ZDHHC19: variants seen among roughly 807,000 people sequenced by gnomAD.
ZDHHC19 encodes zDHHC palmitoyltransferase 19.
Under a neutral mutation model 33.9 loss-of-function variants are expected in ZDHHC19, and 30 were observed. The observed-to-expected ratio is 0.88, with a 90% CI of 0.66 to 1.20. ZDHHC19 has a LOEUF of 1.20. Ranked by LOEUF, ZDHHC19 falls within the 50% of genes most tolerant of loss-of-function variation. The pLI is 0.00. For synonymous variants in ZDHHC19, 178 were observed against 167.6 expected (o/e 1.06, Z -0.48); for missense variants, 364 against 401.1 (o/e 0.91, Z 0.79).
Position 196,198,382 on chromosome 3 carries a change from G to A in ZDHHC19, c.843C>T (p.His281=). ...GPDWTSMPNL[H]PPMSPSALNP... ...TGAGAGCAGAGGGGGACATTGGAGG[G>A]TGCAGATTCGGCATGGATGTCCAGT... Residue 281 remains histidine, a synonymous_variant, in exon 7 of 8, where the codon CAC becomes CAT. Coordinates refer to ENST00000296326, the MANE Select transcript of ZDHHC19 (RefSeq NM_001039617.2). 1 of 1,540,390 alleles carries A rather than the reference G, an allele frequency of 6.5e-7. No homozygotes were observed. The highest frequency in any genetic ancestry group is 1.3e-5 in the South Asian group (1 of 79,378).
chr3:196,210,939 C>T lies in ZDHHC19; in HGVS notation c.147-202G>A, dbSNP rs559074396. Among the ~76,000 whole-genome samples the T allele has an allele frequency of 3.1e-4, 47 of 151,958 alleles. No individual in the cohort carries two copies. The South Asian group carries it at 9.2e-3, about 30-fold the overall frequency. ...ACCCAAAGCTCCCAAAATGCACAGG[C>T]ACCCTTGACCTCTGCGCCTTTGCAC... On this transcript the variant is annotated intron_variant, in intron 1 of 7. Transcript: ENST00000296326.
intron 5 of ZDHHC19, among the ~76,000 whole-genome samples, chr3:196,201,984 G>A (rs1397446663): frequency 1.3e-5 from 2 of 152,040 alleles, no homozygotes; most frequent in Admixed American, 6.6e-5. Context: ...TCCTTTGTTG[G>A]TTGGTTCACT....
At chr3:196,199,931 C>A (rs1047193389) in intron 5 of ZDHHC19, among the ~76,000 whole-genome samples, 3 of 151,162 alleles carry the variant, frequency 2.0e-5, no homozygotes, top group African/African-American at 7.3e-5. Context: ...GGCGACAGAG[C>A]GACACTCTGG....
In ZDHHC19 at chr3:196,203,706, GA is replaced by G. The variant is rs1171091099; in HGVS notation, c.687+3691del. On this transcript the variant is annotated intron_variant, in intron 5 of 7. Coordinates refer to ENST00000296326, the MANE Select transcript of ZDHHC19 (RefSeq NM_001039617.2). This position sits in a 1 kb window ranked among gnomAD's most constrained non-coding sequence, Gnocchi z 4.3. ...GGAGGGAGGGCAGGAAGAACCACAG[GA>G]TGTGAGAAGGGCGAAGGCTGCCCAG... Among the ~76,000 whole-genome samples, 1 of 152,240 alleles carries G rather than the reference GA, an allele frequency of 6.6e-6. No individual in the cohort carries two copies. The highest frequency in any genetic ancestry group is 1.5e-5 in the Non-Finnish European group (1 of 68,040).
At chr3:196,209,308 A>T in intron 3 of ZDHHC19, 68 bp downstream of exon 3, 2 of 1,524,684 alleles carry the variant, frequency 1.3e-6, no homozygotes, top group Non-Finnish European at 1.8e-6. Context: ...TGGCCCCTGT[A>T]TGAGGGAGGC....
At position 196,208,500 on chromosome 3, in the gene ZDHHC19, A is replaced by C; in HGVS notation, c.469T>G (p.Phe157Val). 6.2e-7 allele frequency: 1 copy of C among 1,614,202 alleles called. No homozygotes were observed. Among genetic ancestry groups the C allele is most frequent in the Non-Finnish European group, 8.5e-7 (1 of 1,180,010 alleles). ...CACAGGGACAGGACAAGCAGCATGA[A>C]GAAGCGGAAGTTGCGGTGACCGATG... ...NCIGHRNFRF[F>V]MLLVLSLCLY... Residue 157 changes from phenylalanine (F) to valine (V), a missense_variant, in exon 4 of 8, where the codon TTC becomes GTC. Phe to Val is a conservative substitution (Grantham distance 50, BLOSUM62 -1). Coordinates refer to ENST00000296326, the MANE Select transcript of ZDHHC19 (RefSeq NM_001039617.2).
At chr3:196,199,152 A>G (rs1722040246) in intron 5 of ZDHHC19, among the ~76,000 whole-genome samples, 1 of 152,190 alleles carries the variant, frequency 6.6e-6, no homozygotes, top group African/African-American at 2.4e-5. Context: ...TTCCCTAACC[A>G]TGATCACATG....
At chr3:196,200,676 G>A (rs1296160274) in intron 5 of ZDHHC19, among the ~76,000 whole-genome samples, 6 of 127,292 alleles carry the variant, frequency 4.7e-5, no homozygotes, top group African/African-American at 1.5e-4. Context: ...TTTTTTAGAC[G>A]CAGTTTTGCT....
chr3:196,200,633 C>T (rs548837695), intron 5 of ZDHHC19, among the ~76,000 whole-genome samples: 1,656 of 145,742 alleles, frequency 0.011, 60 homozygotes, highest in African/African-American at 0.039. Context: ...GGATTACAAG[C>T]GTGAGCCACC....
chr3:196,208,768 G>A (rs907450829), intron 3 of ZDHHC19: 8 of 588,844 alleles, frequency 1.4e-5, no homozygotes, highest in African/African-American at 3.7e-5. Context: ...TGGTATATAC[G>A]GTCACCTGTC....
At chr3:196,199,587 G>C (rs1286673553) in intron 5 of ZDHHC19, 1 of 155,530 alleles carries the variant, frequency 6.4e-6, no homozygotes, top group Admixed American at 6.5e-5. Context: ...TGTTGCCATA[G>C]GGCAATACGC....
chr3:196,198,940 T>G, intron 5 of ZDHHC19, 66 bp from the exon 6 acceptor site: 1 of 1,521,762 alleles, frequency 6.6e-7, no homozygotes, highest in Non-Finnish European at 9.1e-7. Flanking sequence ...CATCGCCCAG[T>G]GGCCCTCCCT....
chr3:196,210,921 G>T (rs535040728), intron 1 of ZDHHC19, among the ~76,000 whole-genome samples, 184 bp from the exon 2 acceptor site: 15 of 152,278 alleles, frequency 9.9e-5, no homozygotes, highest in African/African-American at 3.6e-4. Context: ...GCCACCCAAA[G>T]CTCCCAAAAT....
At position 196,211,191 on chromosome 3, in the gene ZDHHC19, C is replaced by T. The variant is rs1425459809; in HGVS notation, c.125G>A (p.Ser42Asn). 1 of 1,614,188 alleles carries T rather than the reference C, an allele frequency of 6.2e-7. No homozygotes were observed. Among genetic ancestry groups the T allele is most frequent in the African/African-American group, 1.3e-5 (1 of 75,036 alleles). ...AFNVVLLVFF[S>N]GLFFAFPCRW... is the part of the protein sequence containing the mutation. ...TCACGGGAATGCGAAGAAGAGGCCA[C>T]TGAAAAAGACCAGCAGCACCACATT... Residue 42 changes from serine to asparagine, a missense_variant, in exon 1 of 8, where the codon AGT becomes AAT. Physicochemically the swap from Ser to Asn is conservative, Grantham distance 46 (BLOSUM62 1). Coordinates refer to ENST00000296326, the MANE Select transcript of ZDHHC19 (RefSeq NM_001039617.2).
chr3:196,198,604 T>C, intron 6 of ZDHHC19, 153 bp from the exon 7 acceptor site: 17 of 1,547,804 alleles, frequency 1.1e-5, no homozygotes, highest in Non-Finnish European at 1.4e-5. Context: ...TATGCCATAG[T>C]GGGGCAGGAA....
In ZDHHC19 at chr3:196,207,808, C is replaced by T. The variant is rs1317049034; in HGVS notation, c.582-305G>A. Among the ~76,000 whole-genome samples the T allele has an allele frequency of 2.7e-5, 3 of 111,364 alleles. No individual in the cohort carries two copies. The East Asian group carries it at 8.1e-4, about 30-fold the overall frequency. The allele number at this position is 111,364 out of a possible 152,430, so 73.1% of individuals were successfully genotyped here. ...CCCCCCGGACGCCCGCCCACCCGCCCCGTCCCCTGGCTCCACCCTCATCCC... is the reference window on the plus strand; with the variant it reads ...CCCCCCGGACGCCCGCCCACCCGCCTCGTCCCCTGGCTCCACCCTCATCCC... On this transcript the variant is annotated intron_variant, in intron 4 of 7. Transcript: ENST00000296326.
chr3:196,210,318 AAAG>A (rs1286603419), intron 2 of ZDHHC19, among the ~76,000 whole-genome samples: 1 of 117,080 alleles, frequency 8.5e-6, no homozygotes, highest in Non-Finnish European at 1.9e-5. Flanking sequence ...GGAAGAAAGG[AAAG>A]AAGGAAAGAA....
chr3:196,200,327 G>GATATATAT (rs374551956), intron 5 of ZDHHC19, among the ~76,000 whole-genome samples: 15,875 of 116,252 alleles, frequency 0.14, 1,333 homozygotes, highest in East Asian at 0.41. Flanking sequence ...AAAATTTAGG[G>GATATATAT]ATATATATAT....
At position 196,211,363 on chromosome 3, in the gene ZDHHC19, C is replaced by G. The variant is rs770073625; in HGVS notation, c.-48G>C. ...GGGGAGGTCAGAGCCACCAGGCTTC[C>G]TCCCCCAGCCCAGCTTCCAGAGCTC... On this transcript the variant is annotated 5_prime_UTR_variant, in exon 1 of 8. Coordinates refer to ENST00000296326, the MANE Select transcript of ZDHHC19 (RefSeq NM_001039617.2). 1 of 1,551,326 alleles carries G rather than the reference C, an allele frequency of 6.4e-7. No individual in the cohort carries two copies.
Sources: allele counts gnomAD v4.1 joint callset (sites outside exome capture counted in the v4.1 genomes callset), GRCh38; gene constraint gnomAD v4.1.1; non-coding constraint Gnocchi (gnomAD v3.1); transcripts MANE v1.5; gene names NCBI Gene and HGNC (gene_info 2026-07-23, HGNC 2026-07-21).